The following SCAPER variants were observed in gnomAD, a reference collection of about 807,000 sequenced individuals.
SCAPER encodes S-phase cyclin A associated protein in the ER.
SCAPER carries 98 observed loss-of-function variants against 182.2 expected under a neutral mutation model. That is an observed-to-expected ratio of 0.54 (90% CI 0.46 to 0.64). The LOEUF is 0.64. Among genes scored for constraint, SCAPER ranks in the 30% least tolerant of loss-of-function variants. The probability of loss-of-function intolerance (pLI) is 0.00; values close to 1 mark genes in which losing one functional copy is unlikely to be tolerated. For missense variants in SCAPER, 1,432 were observed against 1,690.0 expected (o/e 0.85, Z 2.68); for synonymous variants, 605 against 564.6 (o/e 1.07, Z -1.01).
At chr15:76,846,694 G>C (rs1475346345) in intron 4 of SCAPER, among the ~76,000 whole-genome samples, 1 of 151,958 alleles carries the variant, frequency 6.6e-6, no homozygotes, top group Non-Finnish European at 1.5e-5. Flanking sequence ...TAAAACACAG[G>C]CAATTAACAA....
At chr15:76,594,448 C>T (rs1055811939) in intron 22 of SCAPER, among the ~76,000 whole-genome samples, 1 of 121,006 alleles carries the variant, frequency 8.3e-6, no homozygotes, top group African/African-American at 2.5e-5. Flanking sequence ...CAAGAAAGGC[C>T]AACACTGAAA....
intron 26 of SCAPER, among the ~76,000 whole-genome samples, chr15:76,407,598 T>C (rs1464090318): frequency 6.6e-6 from 1 of 152,188 alleles, no homozygotes; most frequent in African/African-American, 2.4e-5. Context: ...ATTTATATAG[T>C]AAAGAAAAGC....
chr15:76,648,600 G>T (rs1047399498), intron 21 of SCAPER, among the ~76,000 whole-genome samples: 1 of 152,194 alleles, frequency 6.6e-6, no homozygotes, highest in African/African-American at 2.4e-5. Context: ...TGCCTGGGCA[G>T]CACAGTGATA....
At chr15:76,392,489 A>T (rs1396708284) in intron 27 of SCAPER, among the ~76,000 whole-genome samples, 1 of 152,006 alleles carries the variant, frequency 6.6e-6, no homozygotes, top group East Asian at 1.9e-4. Flanking sequence ...CAATCCCAAC[A>T]CTCTGGGAGG....
chr15:76,750,349 C>A (rs1379298420), intron 15 of SCAPER, among the ~76,000 whole-genome samples: 1 of 151,866 alleles, frequency 6.6e-6, no homozygotes, highest in Admixed American at 6.6e-5. Context: ...TGGGTGAATT[C>A]TATCAAACAC....
chr15:76,473,135 G>A (rs540194913), intron 24 of SCAPER, among the ~76,000 whole-genome samples: 1 of 152,304 alleles, frequency 6.6e-6, no homozygotes, highest in Admixed American at 6.5e-5. Flanking sequence ...TTCATGAAAA[G>A]CTGTTAAACA....
At chr15:76,817,128 A>G (rs545137401) in intron 5 of SCAPER, among the ~76,000 whole-genome samples, 1 of 152,372 alleles carries the variant, frequency 6.6e-6, no homozygotes, top group South Asian at 2.1e-4. Context: ...ACTAGGTGAC[A>G]AGAATCTTTC....
intron 14 of SCAPER, among the ~76,000 whole-genome samples, chr15:76,764,652 C>T (rs2063004574): frequency 6.6e-6 from 1 of 152,220 alleles, no homozygotes; most frequent in African/African-American, 2.4e-5. Context: ...GTCTTAGGCT[C>T]CAAATTGTCC....
chr15:76,687,419 G>C (rs2058091770), intron 20 of SCAPER, among the ~76,000 whole-genome samples: 1 of 151,970 alleles, frequency 6.6e-6, no homozygotes, highest in Non-Finnish European at 1.5e-5. Flanking sequence ...TCAAAGAATA[G>C]TCCTCATATT....
intron 5 of SCAPER, among the ~76,000 whole-genome samples, chr15:76,834,479 G>A (rs1341251869): frequency 6.6e-6 from 1 of 152,016 alleles, no homozygotes; most frequent in East Asian, 1.9e-4. Flanking sequence ...CCCAAAACTA[G>A]CAAAAGAAAA....
chr15:76,491,024 GCCCAGGC>G (rs2052247793), intron 24 of SCAPER, among the ~76,000 whole-genome samples: 8 of 152,062 alleles, frequency 5.3e-5, no homozygotes, highest in Admixed American at 4.6e-4. Flanking sequence ...GAGCCCTAGA[GCCCAGGC>G]CTTGGTGGTC....
chr15:76,625,571 G>A (rs561987210), intron 21 of SCAPER, among the ~76,000 whole-genome samples: 2 of 152,252 alleles, frequency 1.3e-5, no homozygotes, highest in South Asian at 4.1e-4. Context: ...AAATGCAGAA[G>A]CTGTTGGACC....
chr15:76,637,722 T>TTATATATATATATATATATATATATATA (rs369760680), intron 21 of SCAPER, among the ~76,000 whole-genome samples: 1 of 77,848 alleles, frequency 1.3e-5, no homozygotes, highest in African/African-American at 4.8e-5. Context: ...ATATATGTGA[T>TTATATATATATATATATATATATATATA]TATATATATA....
intron 23 of SCAPER, among the ~76,000 whole-genome samples, chr15:76,517,496 T>A (rs1191845241): frequency 6.6e-6 from 1 of 151,814 alleles, no homozygotes. Context: ...ACTACAGGCA[T>A]GTGCCACTAC....
intron 25 of SCAPER, among the ~76,000 whole-genome samples, chr15:76,464,703 T>C (rs1362723410): frequency 2.6e-5 from 4 of 152,164 alleles, no homozygotes; most frequent in African/African-American, 9.6e-5. Flanking sequence ...AATGCCGAGG[T>C]GAACATGGCA....
chr15:76,871,110 T>C (rs554469704), intron 2 of SCAPER, among the ~76,000 whole-genome samples: 2 of 152,104 alleles, frequency 1.3e-5, no homozygotes, highest in Non-Finnish European at 2.9e-5. Context: ...AAAATATCTA[T>C]TTAAAAACTA....
intron 8 of SCAPER, among the ~76,000 whole-genome samples, chr15:76,790,705 TG>T (rs1481785585): frequency 6.6e-6 from 1 of 152,216 alleles, no homozygotes; most frequent in Non-Finnish European, 1.5e-5. Context: ...AATCACTTCT[TG>T]GTCTTTTGGC....
chr15:76,516,099 T>C (rs1307456423), intron 23 of SCAPER, among the ~76,000 whole-genome samples: 1 of 151,784 alleles, frequency 6.6e-6, no homozygotes, highest in Admixed American at 6.6e-5. Flanking sequence ...TTGTCAATCA[T>C]CCTGTCTTAC....
chr15:76,872,435 T>C (rs1242884955), intron 2 of SCAPER, among the ~76,000 whole-genome samples: 5 of 151,886 alleles, frequency 3.3e-5, no homozygotes, highest in African/African-American at 1.2e-4. Context: ...AAAGAAAATC[T>C]TAACAGTGTA....
Sources: gnomAD v4.1 joint callset for allele counts (sites outside exome capture counted in the v4.1 genomes callset) on GRCh38, gnomAD v4.1.1 for gene constraint, MANE v1.5 for transcripts, NCBI Gene and HGNC (gene_info 2026-07-23, HGNC 2026-07-21) for gene names.